Variants in SHISA9 observed in about 807,000 individuals in gnomAD.
SHISA9 encodes the protein protein shisa-9.
Under a neutral mutation model 38.0 loss-of-function variants are expected in SHISA9, and 13 were observed. The observed-to-expected ratio is 0.34, with a 90% CI of 0.22 to 0.54. The LOEUF (loss-of-function observed/expected upper bound fraction) is 0.54. Ranked by LOEUF, SHISA9 falls within the 20% of genes least tolerant of loss-of-function variation. SHISA9 has a pLI of 0.91. For synonymous variants in SHISA9, 275 were observed against 242.0 expected, an observed-to-expected ratio of 1.14 and a Z score of -1.27; for missense variants, 538 against 575.8, an observed-to-expected ratio of 0.93 and a Z score of 0.67.
At chr16:13,411,518 G>A in the SHISA9 span, among the ~76,000 whole-genome samples, 1 of 152,248 alleles carries the variant, frequency 6.6e-6, no homozygotes, top group African/African-American at 2.4e-5. Context: ...AAGGCTAGCA[G>A]TCCAGGCCGG....
the SHISA9 span, among the ~76,000 whole-genome samples, chr16:13,501,572 T>C: frequency 6.6e-6 from 1 of 152,234 alleles, no homozygotes. Flanking sequence ...TACATACTTT[T>C]AACATTTTTG....
intron 3 of SHISA9, among the ~76,000 whole-genome samples, chr16:13,205,784 C>G (rs1043499137): frequency 2.6e-5 from 4 of 152,030 alleles, no homozygotes; most frequent in Admixed American, 2.0e-4. Context: ...TTTTTTGAGA[C>G]AGAGTCTCAC....
At chr16:13,073,868 T>C (rs1336592064) in intron 2 of SHISA9, among the ~76,000 whole-genome samples, 1 of 151,944 alleles carries the variant, frequency 6.6e-6, no homozygotes, top group African/African-American at 2.4e-5. Context: ...CAGGTTCTCC[T>C]GCAGCGCGTC....
the SHISA9 span, among the ~76,000 whole-genome samples, chr16:13,548,997 A>T: frequency 6.6e-6 from 1 of 152,364 alleles, no homozygotes; most frequent in South Asian, 2.1e-4. Flanking sequence ...AAGAACATAT[A>T]GTACATTTAG....
At chr16:12,909,145 T>C in intron 1 of SHISA9, 2 of 985,732 alleles carry the variant, frequency 2.0e-6, no homozygotes, top group Non-Finnish European at 2.4e-6. Flanking sequence ...CAGAAAAGTC[T>C]TAATTTATTT....
chr16:13,014,690 A>C (rs2072720205), intron 2 of SHISA9, among the ~76,000 whole-genome samples: 1 of 152,148 alleles, frequency 6.6e-6, no homozygotes, highest in Non-Finnish European at 1.5e-5. Context: ...AGCTGGGAGG[A>C]ATTCTGAGCC....
At chr16:13,352,304 A>T in the SHISA9 span, among the ~76,000 whole-genome samples, 1 of 152,238 alleles carries the variant, frequency 6.6e-6, no homozygotes, top group Admixed American at 6.5e-5. Context: ...TTCTTTTGAT[A>T]TGAGAGTTTA....
intron 2 of SHISA9, among the ~76,000 whole-genome samples, chr16:13,082,093 C>G (rs1246923893): frequency 6.6e-6 from 1 of 152,108 alleles, no homozygotes; most frequent in African/African-American, 2.4e-5. Flanking sequence ...ACAACAGAAC[C>G]CCCCAAAGGG....
intron 2 of SHISA9, among the ~76,000 whole-genome samples, chr16:13,114,465 C>CAA (rs58742818): frequency 0.012 from 539 of 46,354 alleles, 1 homozygote; most frequent in Non-Finnish European, 0.017. Flanking sequence ...GATTCCATCT[C>CAA]AAAAAAAAAA....
the SHISA9 span, among the ~76,000 whole-genome samples, chr16:13,526,758 T>G: frequency 6.6e-6 from 1 of 152,076 alleles, no homozygotes; most frequent in Non-Finnish European, 1.5e-5. Context: ...TTTGAAAAAT[T>G]AATGCATGGG....
intron 2 of SHISA9, among the ~76,000 whole-genome samples, chr16:13,156,225 G>A (rs992929239): frequency 5.9e-5 from 9 of 152,080 alleles, no homozygotes; most frequent in Non-Finnish European, 8.8e-5. Context: ...CCGTGTACAC[G>A]CAGCTCAGAC....
the SHISA9 span, among the ~76,000 whole-genome samples, chr16:13,487,719 G>A: frequency 6.6e-6 from 1 of 152,150 alleles, no homozygotes; most frequent in Non-Finnish European, 1.5e-5. Context: ...TAAATGCTAT[G>A]TAAATAGATA....
the SHISA9 span, among the ~76,000 whole-genome samples, chr16:13,424,360 T>C: frequency 6.6e-6 from 1 of 152,242 alleles, no homozygotes; most frequent in Admixed American, 6.5e-5. Context: ...TGTTGCCCAC[T>C]TCTTGGCCAC....
At chr16:12,981,074 TC>T (rs1289181480) in intron 2 of SHISA9, among the ~76,000 whole-genome samples, 10 of 152,352 alleles carry the variant, frequency 6.6e-5, no homozygotes, top group Middle Eastern at 3.4e-3. Context: ...ATGATTGTAC[TC>T]CTCAAATATC....
At chr16:12,988,951 C>T (rs570947108) in intron 2 of SHISA9, among the ~76,000 whole-genome samples, 3 of 152,290 alleles carry the variant, frequency 2.0e-5, no homozygotes, top group African/African-American at 7.2e-5. Flanking sequence ...ATTTTATTTG[C>T]ATAATTCCAC....
intron 2 of SHISA9, among the ~76,000 whole-genome samples, chr16:13,061,394 T>A (rs191944554): frequency 6.6e-6 from 1 of 152,326 alleles, no homozygotes; most frequent in East Asian, 1.9e-4. Context: ...CTTTTTTTGG[T>A]TGTTATTGTT....
the SHISA9 span, among the ~76,000 whole-genome samples, chr16:13,531,566 A>T: frequency 2.6e-5 from 4 of 152,128 alleles, no homozygotes; most frequent in African/African-American, 9.7e-5. Flanking sequence ...GAAGATCACA[A>T]AGAAATTTGA....
chr16:13,430,492 A>G, the SHISA9 span, among the ~76,000 whole-genome samples: 1 of 152,182 alleles, frequency 6.6e-6, no homozygotes, highest in Admixed American at 6.5e-5. Context: ...AACACCACCA[A>G]GTTGTTTGCC....
At chr16:13,405,274 C>A in the SHISA9 span, among the ~76,000 whole-genome samples, 1 of 152,164 alleles carries the variant, frequency 6.6e-6, no homozygotes, top group Non-Finnish European at 1.5e-5. Flanking sequence ...TGAAAGGAAG[C>A]AGACCCCTTC....
Sources: gnomAD v4.1 joint callset for allele counts (sites outside exome capture counted in the v4.1 genomes callset) on GRCh38, gnomAD v4.1.1 for gene constraint, MANE v1.5 for transcripts, NCBI Gene and HGNC (gene_info 2026-07-23, HGNC 2026-07-21) for gene names.